ZNF670: variants seen among roughly 807,000 people sequenced by gnomAD.
ZNF670 encodes the protein zinc finger protein 670.
Under a neutral mutation model 10.9 loss-of-function variants are expected in ZNF670, and 7 were observed. The ratio of observed to expected loss-of-function variants is 0.64; its 90% CI spans 0.36 to 1.20. The LOEUF (loss-of-function observed/expected upper bound fraction) is 1.20. Ranked by LOEUF, ZNF670 falls within the 50% of genes most tolerant of loss-of-function variation. The probability of loss-of-function intolerance (pLI) is 0.02; values close to 1 mark genes in which losing one functional copy is unlikely to be tolerated. For synonymous variants in ZNF670, 136 were observed against 152.7 expected (o/e 0.89, Z 0.81); for missense variants, 446 against 458.6 (o/e 0.97, Z 0.25).
chr1:247,072,704 T>A (rs922364147), intron 1 of ZNF670, among the ~76,000 whole-genome samples: 2 of 149,930 alleles, frequency 1.3e-5, no homozygotes, highest in Non-Finnish European at 3.0e-5. Flanking sequence ...GGAGAATTGC[T>A]TGAACCTGGG....
Position 247,037,592 on chromosome 1 carries a change from CACATTCCTT to C in ZNF670, c.1018_1026del (p.Lys340_Cys342del). ...GCACTGGAAGAAGTAAACGACTTACCACATTCCTTACATCCATAAGGTTTCACTCCAGTG... is the reference window on the plus strand; with the variant it reads ...GCACTGGAAGAAGTAAACGACTTACCACATCCATAAGGTTTCACTCCAGTG... On this transcript the variant is annotated inframe_deletion, in exon 4 of 4. Coordinates refer to ENST00000366503, the MANE Select transcript of ZNF670 (RefSeq NM_033213.5). The C allele has an allele frequency of 1.2e-6, 2 of 1,614,076 alleles. No homozygotes were observed. The highest frequency in any genetic ancestry group is 1.7e-6 in the Non-Finnish European group (2 of 1,180,008).
chr1:247,077,343 C>A (rs935439459), intron 1 of ZNF670, among the ~76,000 whole-genome samples: 2 of 152,190 alleles, frequency 1.3e-5, no homozygotes, highest in Non-Finnish European at 2.9e-5. Context: ...TCATTAGACA[C>A]TCCAAGAGAT....
rs1670895357 is a variant in ZNF670 at position 247,063,104 on chromosome 1, T to A, written c.3+15490A>T. On this transcript the variant is annotated intron_variant, in intron 1 of 3. Coordinates refer to ENST00000366503, the MANE Select transcript of ZNF670 (RefSeq NM_033213.5). The stretch of plus-strand genomic sequence containing the variant: ...TTATACAGTGGTCAGGTGGTTATTC[T>A]CTGCTTTTCTTTTATGTAAAGTGTT... Among the ~76,000 whole-genome samples, 5 of 152,276 alleles carry A rather than the reference T, an allele frequency of 3.3e-5. No individual in the cohort carries two copies. In the South Asian group the frequency reaches 1.0e-3, roughly 31 times the overall value.
chr1:247,058,772 G>A (rs1189585484), intron 1 of ZNF670, among the ~76,000 whole-genome samples: 1 of 147,622 alleles, frequency 6.8e-6, no homozygotes, highest in Non-Finnish European at 1.5e-5. Flanking sequence ...AGATTGGTAA[G>A]TCAGATAAAA....
intron 1 of ZNF670, among the ~76,000 whole-genome samples, chr1:247,077,121 G>A (rs1398790627): frequency 1.3e-4 from 20 of 152,196 alleles, no homozygotes; most frequent in Admixed American, 1.3e-3. Context: ...CTTAATACCA[G>A]CATCTGACTG....
intron 1 of ZNF670, among the ~76,000 whole-genome samples, chr1:247,071,262 C>T (rs561663636): frequency 6.6e-6 from 1 of 152,304 alleles, no homozygotes; most frequent in South Asian, 2.1e-4. Context: ...ATATGTGGTA[C>T]ACATACATCC....
At chr1:247,075,596 T>G (rs1405421433) in intron 1 of ZNF670, among the ~76,000 whole-genome samples, 1 of 152,126 alleles carries the variant, frequency 6.6e-6, no homozygotes, top group Admixed American at 6.6e-5. Flanking sequence ...ATACGTTTCA[T>G]GAGATCTGAT....
chr1:247,073,021 C>T (rs955927143), intron 1 of ZNF670, among the ~76,000 whole-genome samples: 2 of 151,632 alleles, frequency 1.3e-5, no homozygotes, highest in Non-Finnish European at 1.5e-5. Flanking sequence ...ATCAAAACTG[C>T]AGTCACATCT....
At chr1:247,039,979 T>C (rs1002428873) in intron 1 of ZNF670, among the ~76,000 whole-genome samples, 1 of 152,202 alleles carries the variant, frequency 6.6e-6, no homozygotes, top group Admixed American at 6.5e-5. Context: ...TTTTGACGGA[T>C]CTCATCACCC....
At chr1:247,045,228 G>T (rs1326663996) in intron 1 of ZNF670, among the ~76,000 whole-genome samples, 4 of 152,132 alleles carry the variant, frequency 2.6e-5, no homozygotes, top group African/African-American at 9.7e-5. Flanking sequence ...CCAGGCTTAG[G>T]GATCCCCAGT....
chr1:247,059,709 C>T (rs555973111), intron 1 of ZNF670, among the ~76,000 whole-genome samples: 19 of 152,204 alleles, frequency 1.2e-4, no homozygotes, highest in African/African-American at 4.6e-4. Context: ...AATAAAACTG[C>T]CTTTCTGCAG....
chr1:247,078,729 G>A lies in ZNF670; in HGVS notation c.-133C>T, dbSNP rs564369075. 4 of 984,678 alleles carry A rather than the reference G, an allele frequency of 4.1e-6. No individual in the cohort carries two copies. The highest frequency in any genetic ancestry group is 5.2e-5 in the East Asian group (2 of 38,228). The allele number at this position is 984,678 out of a possible 1,614,324, so 61.0% of individuals were successfully genotyped here. A position where few individuals can be genotyped will look rare whatever the true frequency, so the allele number is the denominator to read the frequency against. On this transcript the variant is annotated 5_prime_UTR_variant, in exon 1 of 4. Transcript: ENST00000366503. The stretch of plus-strand genomic sequence containing the variant: ...GGAAGGAGCAGCGGAGACGCACCGA[G>A]CTCGCCACATTCGCGCTGCCCAACA...
chr1:247,076,756 C>A (rs1316617718), intron 1 of ZNF670, among the ~76,000 whole-genome samples: 2 of 150,580 alleles, frequency 1.3e-5, no homozygotes. Flanking sequence ...CACCTCCTGG[C>A]CTCAAGCGAT....
At chr1:247,049,205 C>T (rs368825255) in intron 1 of ZNF670, among the ~76,000 whole-genome samples, 126 of 149,394 alleles carry the variant, frequency 8.4e-4, no homozygotes, top group African/African-American at 3.0e-3. Context: ...TTAAGTGATT[C>T]CCCTGCCTCA....
rs114965978 is a variant in ZNF670, at chr1:247,064,690, A to C, written c.3+13904T>G. Among the ~76,000 whole-genome samples the C allele has an allele frequency of 6.2e-3, 947 of 152,348 alleles. 7 individuals are homozygous for C. The highest frequency in any genetic ancestry group is 0.022 in the African/African-American group (903 of 41,578). On this transcript the variant is annotated intron_variant, in intron 1 of 3. Transcript: ENST00000366503. ...AAGAACGGGGCCCAGGTCAGGCAAC[A>C]GTGGAACATGCGGGAGCCAGACCTC...
At chr1:247,060,415 G>T (rs185969250) in intron 1 of ZNF670, among the ~76,000 whole-genome samples, 2 of 152,140 alleles carry the variant, frequency 1.3e-5, no homozygotes, top group Non-Finnish European at 1.5e-5. Context: ...ACATCCATAC[G>T]CAAGGAAATA....
intron 3 of ZNF670, 124 bp from the exon 4 acceptor site, chr1:247,038,551 G>GT (rs1339949008): frequency 1.1e-6 from 1 of 951,434 alleles, no homozygotes; most frequent in African/African-American, 1.7e-5. Flanking sequence ...ATTAATTACT[G>GT]TAAGATATGG....
At chr1:247,055,410 C>T (rs1189275555) in intron 1 of ZNF670, among the ~76,000 whole-genome samples, 1 of 152,238 alleles carries the variant, frequency 6.6e-6, no homozygotes, top group Non-Finnish European at 1.5e-5. Context: ...CAAGACCAGT[C>T]AGCACCTTCC....
At chr1:247,052,056 G>A (rs893043929) in intron 1 of ZNF670, among the ~76,000 whole-genome samples, 15 of 151,324 alleles carry the variant, frequency 9.9e-5, no homozygotes, top group African/African-American at 3.2e-4. Context: ...TCCACGAGTA[G>A]CTTAATAATC....
Sources: gnomAD v4.1 joint callset for allele counts (sites outside exome capture counted in the v4.1 genomes callset) on GRCh38, gnomAD v4.1.1 for gene constraint, MANE v1.5 for transcripts, NCBI Gene and HGNC (gene_info 2026-07-23, HGNC 2026-07-21) for gene names.